BEAN1: variants seen among roughly 807,000 people sequenced by gnomAD.
BEAN1 encodes the protein brain expressed associated with NEDD4 1.
In BEAN1, 17 loss-of-function variants were observed where a neutral mutation model predicts 17.7. The ratio of observed to expected loss-of-function variants is 0.96; its 90% CI spans 0.66 to 1.44. The LOEUF (loss-of-function observed/expected upper bound fraction) is 1.44, where lower values mean the gene tolerates loss of function less well. Ranked by LOEUF, BEAN1 falls within the 40% of genes most tolerant of loss-of-function variation. The probability of loss-of-function intolerance (pLI) is 0.00; values close to 1 mark genes in which losing one functional copy is unlikely to be tolerated. For synonymous variants in BEAN1, 142 were observed against 151.8 expected (o/e 0.94, Z 0.47); for missense variants, 359 against 374.1 (o/e 0.96, Z 0.33).
At chr16:66,467,921 C>T (rs1433834937) in intron 2 of BEAN1, among the ~76,000 whole-genome samples, 1 of 152,212 alleles carries the variant, frequency 6.6e-6, no homozygotes, top group East Asian at 1.9e-4. Flanking sequence ...GCTAAGGTCC[C>T]GAGTTTGTGC....
In BEAN1 at chr16:66,473,492, G is replaced by A. The variant is rs1305079946; in HGVS notation, c.289+3627G>A. On this transcript the variant is annotated intron_variant, in intron 3 of 4. Coordinates refer to ENST00000536005, the MANE Select transcript of BEAN1 (RefSeq NM_001178020.3). The surrounding 1 kb of genome is among the most constrained non-coding windows in gnomAD (Gnocchi z 4.5). The stretch of plus-strand genomic sequence containing the variant: ...AGGGGCTGCCGGGAGCCTTGGGAGG[G>A]TGCCAGGGAAGAGGGAAACGCACTG... 6.6e-6 allele frequency among the ~76,000 whole-genome samples: 1 copy of A among 152,108 alleles called. No individual in the cohort carries two copies. The highest frequency in any genetic ancestry group is 1.5e-5 in the Non-Finnish European group (1 of 68,010).
chr16:66,430,463 T>C (rs892099703), intron 1 of BEAN1, among the ~76,000 whole-genome samples: 1 of 152,232 alleles, frequency 6.6e-6, no homozygotes, highest in Non-Finnish European at 1.5e-5. Flanking sequence ...TCATCCTAAT[T>C]GTATGAGTTT....
intron 2 of BEAN1, among the ~76,000 whole-genome samples, chr16:66,453,676 A>G (rs1249881630): frequency 2.0e-5 from 3 of 151,642 alleles, no homozygotes; most frequent in Non-Finnish European, 4.4e-5. Flanking sequence ...ATATATTTTT[A>G]TTTTTATTGT....
downstream of BEAN1, among the ~76,000 whole-genome samples, chr16:66,494,172 C>T (rs1345781090): frequency 1.3e-5 from 2 of 152,166 alleles, no homozygotes; most frequent in Admixed American, 1.3e-4. Flanking sequence ...TGATGTCCAC[C>T]AGGAGGTGAC....
chr16:66,454,049 T>C (rs1315608985), intron 2 of BEAN1, among the ~76,000 whole-genome samples: 1 of 152,220 alleles, frequency 6.6e-6, no homozygotes, highest in Non-Finnish European at 1.5e-5. Flanking sequence ...TTCTAAGTAG[T>C]TGGGGTTTTC....
rs1477129393 is a variant in BEAN1, at chr16:66,480,855, G to A, written c.710G>A (p.Gly237Glu). ...CTGCCACTGCCGGGCCCAGACCCAG[G>A]GCCAAGGGGCTCCCAGGGCTCACCC... is the stretch of plus-strand genomic sequence containing the variant. ...GLLPLPGPDP[G>E]PRGSQGSPTP... The change falls in exon 5 of 5, where the codon GGG becomes GAG. Residue 237 changes from glycine (G) to glutamate (E), a missense_variant. By Grantham distance (98) the Gly-to-Glu change is moderately conservative. Transcript: ENST00000536005. The A allele has an allele frequency of 2.7e-6, 4 of 1,505,598 alleles. No individual in the cohort carries two copies. Among genetic ancestry groups the A allele is most frequent in the Non-Finnish European group, 2.7e-6 (3 of 1,121,144 alleles). The allele number at this position is 1,505,598 out of a possible 1,614,324, so 93.3% of individuals were successfully genotyped here.
At chr16:66,441,392 C>G (rs1596986518) in intron 2 of BEAN1, among the ~76,000 whole-genome samples, 1 of 152,282 alleles carries the variant, frequency 6.6e-6, no homozygotes, top group South Asian at 2.1e-4. Context: ...GACACACACC[C>G]CTGTTTTTAA....
At chr16:66,448,144 G>A (rs1179614656) in intron 2 of BEAN1, among the ~76,000 whole-genome samples, 1 of 152,314 alleles carries the variant, frequency 6.6e-6, no homozygotes, top group African/African-American at 2.4e-5. Context: ...CAAGACACTA[G>A]GAGAATCTCT....
At chr16:66,452,372 T>G (rs1474973047) in intron 2 of BEAN1, among the ~76,000 whole-genome samples, 1 of 152,222 alleles carries the variant, frequency 6.6e-6, no homozygotes, top group African/African-American at 2.4e-5. Flanking sequence ...AAGGAATCTC[T>G]GAGGATCAGA....
intron 2 of BEAN1, among the ~76,000 whole-genome samples, chr16:66,441,143 C>T (rs1962240388): frequency 2.0e-5 from 3 of 152,290 alleles, no homozygotes; most frequent in South Asian, 2.1e-4. Flanking sequence ...CCAGTTCGCC[C>T]GCACCACCGT....
At chr16:66,463,612 T>C (rs541397923) in intron 2 of BEAN1, among the ~76,000 whole-genome samples, 22 of 152,340 alleles carry the variant, frequency 1.4e-4, no homozygotes, top group Admixed American at 1.4e-3. Context: ...TTCTTGAAGG[T>C]GTCCTTTGCT....
At chr16:66,429,293 C>G (rs1173212713) in intron 1 of BEAN1, among the ~76,000 whole-genome samples, 4 of 152,142 alleles carry the variant, frequency 2.6e-5, no homozygotes, top group Non-Finnish European at 5.9e-5. Flanking sequence ...TGAAGGATGT[C>G]GGGGAGGAAA....
At chr16:66,467,051 A>G (rs574626921) in intron 2 of BEAN1, among the ~76,000 whole-genome samples, 3 of 152,318 alleles carry the variant, frequency 2.0e-5, no homozygotes, top group African/African-American at 7.2e-5. Context: ...CTTATATATC[A>G]CAGGGAAAGG....
intron 2 of BEAN1, 84 bp from the exon 3 acceptor site, chr16:66,469,518 C>G: frequency 7.2e-7 from 1 of 1,398,406 alleles, no homozygotes; most frequent in Non-Finnish European, 9.6e-7. Flanking sequence ...TAGGGAGCAA[C>G]AGCTCACAGG....
chr16:66,456,831 C>T (rs376868089), intron 2 of BEAN1, among the ~76,000 whole-genome samples: 5 of 152,116 alleles, frequency 3.3e-5, no homozygotes, highest in Admixed American at 1.3e-4. Context: ...GGAATATGTG[C>T]GTTACTCTTA....
chr16:66,468,447 T>A (rs1963340177), intron 2 of BEAN1, among the ~76,000 whole-genome samples: 1 of 152,232 alleles, frequency 6.6e-6, no homozygotes, highest in Non-Finnish European at 1.5e-5. Flanking sequence ...ATTGAATGTC[T>A]GAAGCTGGCT....
intron 2 of BEAN1, among the ~76,000 whole-genome samples, chr16:66,455,208 C>T (rs1326119684): frequency 6.6e-6 from 1 of 152,196 alleles, no homozygotes; most frequent in Non-Finnish European, 1.5e-5. Context: ...CTAAGCCAGG[C>T]TCTTAAACAC....
chr16:66,481,444 G>A lies in BEAN1; in HGVS notation c.*519G>A, dbSNP rs963543025. On this transcript the variant is annotated 3_prime_UTR_variant, in exon 5 of 5. Transcript: ENST00000536005. This position sits in a 1 kb window ranked among gnomAD's most constrained non-coding sequence, Gnocchi z 4.1. ...CTCCTGGGAGGCGGGACAGGCCCCA[G>A]TGAGGTTCCGTTGTGCGCTGTGCCT... 4.6e-5 allele frequency: 18 copies of A among 393,930 alleles called. No homozygotes were observed. The highest frequency in any genetic ancestry group is 1.4e-4 in the South Asian group (1 of 6,986). 24.4% of individuals were successfully genotyped at this position (393,930 alleles called of 1,614,324 possible).
intron 2 of BEAN1, among the ~76,000 whole-genome samples, chr16:66,440,153 G>A (rs1962197569): frequency 7.9e-6 from 1 of 125,908 alleles, no homozygotes; most frequent in Non-Finnish European, 1.6e-5. Flanking sequence ...TTTTTGAGAT[G>A]GAGTTTCACG....
Sources: allele counts gnomAD v4.1 joint callset (sites outside exome capture counted in the v4.1 genomes callset), GRCh38; gene constraint gnomAD v4.1.1; non-coding constraint Gnocchi (gnomAD v3.1); transcripts MANE v1.5; gene names NCBI Gene and HGNC (gene_info 2026-07-23, HGNC 2026-07-21).